Variants in GDF6 observed in about 807,000 individuals in gnomAD.
GDF6 encodes growth/differentiation factor 6.
In GDF6, 3 loss-of-function variants were observed where a neutral mutation model predicts 32.4. That is an observed-to-expected ratio of 0.09 (90% CI 0.04 to 0.24). The LOEUF (loss-of-function observed/expected upper bound fraction) is 0.24. GDF6 is among the 10% of genes least tolerant of loss of function. The pLI is 1.00. For synonymous variants in GDF6, 296 were observed against 295.3 expected (o/e 1.00, Z -0.03); for missense variants, 589 against 637.9 (o/e 0.92, Z 0.83).
chr8:96,158,630 TCTC>T (rs1812710868), intron 1 of GDF6, among the ~76,000 whole-genome samples: 1 of 152,184 alleles, frequency 6.6e-6, no homozygotes, highest in Non-Finnish European at 1.5e-5. Context: ...TGAGCAGTCT[TCTC>T]TGAGCTTCCT....
In GDF6 at chr8:96,160,587, C is replaced by T. The variant is rs1199035850; in HGVS notation, c.106G>A (p.Glu36Lys). The change falls in exon 1 of 2, where the codon GAG becomes AAG. Residue 36 changes from glutamate (E) to lysine (K), a missense_variant. Physicochemically the swap from Glu to Lys is moderately conservative, Grantham distance 56. This residue lies in a region of GDF6 where 436 missense variants were observed against 411.2 expected (regional missense o/e 1.06). Transcript: ENST00000287020. ...CGCATGCCCTTGGTGGAACCCAGCT[C>T]GGCGGACGACGAGGAGGATGAGATG... ...ASISSSSSSAELGSTKGMRSR... is the reference protein window; with the variant it reads ...ASISSSSSSAKLGSTKGMRSR... The T allele has an allele frequency of 3.7e-6, 6 of 1,613,568 alleles. No homozygotes were observed. Among genetic ancestry groups the T allele is most frequent in the Middle Eastern group, 1.6e-4 (1 of 6,082 alleles).
Position 96,144,242 on chromosome 8 carries a change from A to AAGAGAGAGAGAGAGAGAGAG in GDF6, c.*320_*321insCTCTCTCTCTCTCTCTCTCT. 1 of 189,772 alleles carries AAGAGAGAGAGAGAGAGAGAG rather than the reference A, an allele frequency of 5.3e-6. No individual in the cohort carries two copies. Among genetic ancestry groups the AAGAGAGAGAGAGAGAGAGAG allele is most frequent in the South Asian group, 3.4e-5 (1 of 29,360 alleles). The allele number at this position is 189,772 out of a possible 1,614,324, so 11.8% of individuals were successfully genotyped here. On this transcript the variant is annotated 3_prime_UTR_variant, in exon 2 of 2. Transcript: ENST00000287020. This position sits in a 1 kb window ranked among gnomAD's most constrained non-coding sequence, Gnocchi z 5.1. ...ACATAAGGAAATCCAAAGCCACAGT[A>AAGAGAGAGAGAGAGAGAGAG]ATAGAGAGAGAGAGAGAGAGAGAGA...
At position 96,160,443 on chromosome 8, in the gene GDF6, CCTGCGCCCGGGGCTG is replaced by C. The variant is rs767552315; in HGVS notation, c.235_249del (p.Gln79_Gln83del). 6.2e-7 allele frequency: 1 copy of C among 1,613,832 alleles called. No homozygotes were observed. The highest frequency in any genetic ancestry group is 8.5e-7 in the Non-Finnish European group (1 of 1,179,848). ...ACGCGCGGACCCCTGCCTGGCGGCT[CCTGCGCCCGGGGCTG>C]CTGAGCCCGGGGTTCGTCCTGAGGC... On this transcript the variant is annotated inframe_deletion, in exon 1 of 2. Coordinates refer to ENST00000287020, the MANE Select transcript of GDF6 (RefSeq NM_001001557.4).
At chr8:96,148,438 C>T (rs1471137284) in intron 1 of GDF6, among the ~76,000 whole-genome samples, 1 of 152,240 alleles carries the variant, frequency 6.6e-6, no homozygotes, top group Non-Finnish European at 1.5e-5. Context: ...AATAGTGACT[C>T]TCAAAGCCAC....
Position 96,142,652 on chromosome 8 carries a change from A to G in GDF6, c.*1911T>C, listed in dbSNP as rs1004384730. On this transcript the variant is annotated 3_prime_UTR_variant, in exon 2 of 2. Coordinates refer to ENST00000287020, the MANE Select transcript of GDF6 (RefSeq NM_001001557.4). ...TGCATATAACGTTTTGTACATTAGG[A>G]TGAATTGCATGCTGTCCATTTCCTC... 6.5e-6 allele frequency: 1 copy of G among 152,692 alleles called. No homozygotes were observed. Among genetic ancestry groups the G allele is most frequent in the African/African-American group, 2.4e-5 (1 of 41,470 alleles). The allele number at this position is 152,692 out of a possible 1,614,324, so 9.5% of individuals were successfully genotyped here. A position where few individuals can be genotyped will look rare whatever the true frequency, so the allele number is the denominator to read the frequency against.
chr8:96,149,307 T>A (rs956906686), intron 1 of GDF6, among the ~76,000 whole-genome samples: 12 of 152,254 alleles, frequency 7.9e-5, no homozygotes, highest in African/African-American at 2.9e-4. Context: ...ATTTCCCTTT[T>A]ACTTTGCATC....
In GDF6 at chr8:96,151,929, A is replaced by C. The variant is rs570991432; in HGVS notation, c.407-6405T>G. On this transcript the variant is annotated intron_variant, in intron 1 of 1. Coordinates refer to ENST00000287020, the MANE Select transcript of GDF6 (RefSeq NM_001001557.4). ...ACCTTGCAGGATCATTGTAAAGGTC[A>C]GAGTCAAAGTACCTCAGGGATGTGC... is the stretch of plus-strand genomic sequence containing the variant. 2.5e-4 allele frequency among the ~76,000 whole-genome samples: 38 copies of C among 152,284 alleles called. No individual in the cohort carries two copies. In the South Asian group the frequency reaches 5.8e-3, roughly 23 times the overall value.
chr8:96,155,754 G>A (rs1028305952), intron 1 of GDF6, among the ~76,000 whole-genome samples: 1 of 152,168 alleles, frequency 6.6e-6, no homozygotes, highest in Non-Finnish European at 1.5e-5. Context: ...CGAATACAAG[G>A]TCACCAAATA....
intron 1 of GDF6, among the ~76,000 whole-genome samples, chr8:96,147,912 G>A (rs188219234): frequency 1.3e-5 from 2 of 152,322 alleles, no homozygotes; most frequent in East Asian, 1.9e-4. Flanking sequence ...GCCACTGGCT[G>A]GAGTGCATTA....
At chr8:96,160,257 G>A (rs1812737239) in intron 1 of GDF6, 30 bp downstream of exon 1, 2 of 1,613,106 alleles carry the variant, frequency 1.2e-6, no homozygotes, top group Non-Finnish European at 1.7e-6. Context: ...TCCAGCGGGA[G>A]GGGAGTCGAG....
In GDF6 at chr8:96,144,289, A is replaced by AGG. The variant is rs1554571184; in HGVS notation, c.*273_*274insCC. ...GAGAGAGAGAGAGAGAGAGAGAGAG[A>AGG]GAAAACAGAACAAAAGAAATCCTCC... is the stretch of plus-strand genomic sequence containing the variant. On this transcript the variant is annotated 3_prime_UTR_variant, in exon 2 of 2. Coordinates refer to ENST00000287020, the MANE Select transcript of GDF6 (RefSeq NM_001001557.4). The surrounding 1 kb of genome is among the most constrained non-coding windows in gnomAD (Gnocchi z 5.1). 30 of 495,882 alleles carry AGG rather than the reference A, an allele frequency of 6.0e-5. 1 individual carries two copies. The African/African-American group carries it at 6.4e-4, about 11-fold the overall frequency. 30.7% of individuals were successfully genotyped at this position (495,882 alleles called of 1,614,324 possible). A position where few individuals can be genotyped will look rare whatever the true frequency, so the allele number is the denominator to read the frequency against.
In GDF6 at chr8:96,150,939, C is replaced by A. The variant is rs150333256; in HGVS notation, c.407-5415G>T. On this transcript the variant is annotated intron_variant, in intron 1 of 1. Coordinates refer to ENST00000287020, the MANE Select transcript of GDF6 (RefSeq NM_001001557.4). The stretch of plus-strand genomic sequence containing the variant: ...TCAACTAAGTCTCTCACCTTCCGCG[C>A]TGCACTGAGGGGGCAAAGTCCATCA... Among the ~76,000 whole-genome samples the A allele has an allele frequency of 4.1e-3, 622 of 152,340 alleles. 7 individuals carry two copies. The highest frequency in any genetic ancestry group is 0.014 in the African/African-American group (584 of 41,574).
chr8:96,158,924 AC>A (rs1586125563), intron 1 of GDF6, among the ~76,000 whole-genome samples: 1 of 146,202 alleles, frequency 6.8e-6, no homozygotes, highest in Non-Finnish European at 1.5e-5. Context: ...CAGCGGCGAG[AC>A]CCTCGAGCAA....
At chr8:96,149,009 G>A (rs1034506048) in intron 1 of GDF6, among the ~76,000 whole-genome samples, 1 of 152,192 alleles carries the variant, frequency 6.6e-6, no homozygotes, top group African/African-American at 2.4e-5. Context: ...AAGACACTTT[G>A]CCTGCTGCCT....
chr8:96,146,707 C>CACACAGAGAGAGAGAG lies in GDF6; in HGVS notation c.407-1184_407-1183insCTCTCTCTCTCTGTGT, dbSNP rs367654279. Among the ~76,000 whole-genome samples, 998 of 139,960 alleles carry CACACAGAGAGAGAGAG rather than the reference C, an allele frequency of 7.1e-3. 19 individuals carry two copies. Among genetic ancestry groups the CACACAGAGAGAGAGAG allele is most frequent in the African/African-American group, 0.027 (959 of 35,118 alleles). The allele number at this position is 139,960 out of a possible 152,430, so 91.8% of individuals were successfully genotyped here. A position where few individuals can be genotyped will look rare whatever the true frequency, so the allele number is the denominator to read the frequency against. Reference sequence around the variant, plus strand: ...ACACACACACACACACACACACACACAGAGAGAGAGAGAGAGAGATAGAGA... The same window carrying CACACAGAGAGAGAGAG: ...ACACACACACACACACACACACACACACACAGAGAGAGAGAGAGAGAGAGAGAGAGAGAGATAGAGA... On this transcript the variant is annotated intron_variant, in intron 1 of 1. Transcript: ENST00000287020.
chr8:96,145,791 G>T lies in GDF6; in HGVS notation c.407-267C>A. On this transcript the variant is annotated intron_variant, in intron 1 of 1. Coordinates refer to ENST00000287020, the MANE Select transcript of GDF6 (RefSeq NM_001001557.4). This position sits in a 1 kb window ranked among gnomAD's most constrained non-coding sequence, Gnocchi z 5.6. The stretch of plus-strand genomic sequence containing the variant: ...CGGTGGCTGCTGGCGAGGCGGCGGC[G>T]GCGGCCTACCGGGTTTTCCCCCCAA... 6.6e-6 allele frequency among the ~76,000 whole-genome samples: 1 copy of T among 152,158 alleles called. No individual in the cohort carries two copies. Among genetic ancestry groups the T allele is most frequent in the East Asian group, 1.9e-4 (1 of 5,158 alleles).
At chr8:96,159,965 A>C (rs996341667) in intron 1 of GDF6, among the ~76,000 whole-genome samples, 2 of 152,042 alleles carry the variant, frequency 1.3e-5, no homozygotes, top group African/African-American at 2.4e-5. Context: ...AGCCGGGTTC[A>C]TCCGCCTGCT....
intron 1 of GDF6, among the ~76,000 whole-genome samples, chr8:96,148,181 T>C (rs1206092722): frequency 2.0e-5 from 3 of 152,232 alleles, no homozygotes; most frequent in Non-Finnish European, 4.4e-5. Flanking sequence ...CAAATGGGAC[T>C]TCAGCTTCTT....
intron 1 of GDF6, among the ~76,000 whole-genome samples, chr8:96,148,340 G>T (rs1440325712): frequency 2.0e-5 from 3 of 152,206 alleles, no homozygotes; most frequent in Non-Finnish European, 4.4e-5. Context: ...GGAACTGAAT[G>T]GATGAAGAGG....
Sources: allele counts gnomAD v4.1 joint callset (sites outside exome capture counted in the v4.1 genomes callset), GRCh38; gene constraint gnomAD v4.1.1; regional missense constraint gnomAD v4.1.1; non-coding constraint Gnocchi (gnomAD v3.1); transcripts MANE v1.5; gene names NCBI Gene and HGNC (gene_info 2026-07-23, HGNC 2026-07-21).